RANBP2: variants seen among roughly 807,000 people sequenced by gnomAD.
RANBP2 encodes the protein RAN binding protein 2.
RANBP2 carries 57 observed loss-of-function variants against 303.6 expected under a neutral mutation model. The observed-to-expected ratio is 0.19, with a 90% CI of 0.15 to 0.23. RANBP2 has a LOEUF of 0.23. Ranked by LOEUF, RANBP2 falls within the 10% of genes least tolerant of loss-of-function variation. The pLI, the probability that RANBP2 is intolerant of heterozygous loss-of-function variation, is 1.00. For missense variants in RANBP2, 3,138 were observed against 3,780.8 expected (o/e 0.83, Z 4.46); for synonymous variants, 1,167 against 1,301.5 (o/e 0.90, Z 2.23).
chr2:109,350,127 A>G, the RANBP2 span, among the ~76,000 whole-genome samples: 1 of 152,236 alleles, frequency 6.6e-6, no homozygotes. Context: ...CATATTTCAC[A>G]AGAAACAGTG....
At chr2:108,897,371 CAAAT>C in the RANBP2 span, 1 of 816,084 alleles carries the variant, frequency 1.2e-6, no homozygotes, top group Non-Finnish European at 1.9e-6. Context: ...CCACCTAAAA[CAAAT>C]GCATAACTTA....
the RANBP2 span, among the ~76,000 whole-genome samples, chr2:109,363,959 CTTG>C: frequency 2.0e-5 from 3 of 152,088 alleles, no homozygotes; most frequent in African/African-American, 7.2e-5. Context: ...ATCTATCCTG[CTTG>C]TTGTTCTCTG....
At chr2:109,613,693 G>A in the RANBP2 span, 15 of 761,552 alleles carry the variant, frequency 2.0e-5, no homozygotes, top group Admixed American at 1.8e-4. Context: ...GAGGGGGCGC[G>A]GGTCACAATC....
the RANBP2 span, among the ~76,000 whole-genome samples, chr2:109,647,807 G>A: frequency 5.3e-4 from 80 of 152,320 alleles, no homozygotes; most frequent in African/African-American, 1.9e-3. Context: ...AGCCAGAGAA[G>A]CAAAACTAGG....
the RANBP2 span, among the ~76,000 whole-genome samples, chr2:109,644,293 T>G: frequency 6.6e-6 from 1 of 151,808 alleles, no homozygotes; most frequent in African/African-American, 2.4e-5. Flanking sequence ...GGCAACAGAG[T>G]GAGACTCGTC....
the RANBP2 span, chr2:109,501,427 G>A: frequency 9.7e-5 from 64 of 657,112 alleles, no homozygotes; most frequent in Non-Finnish European, 1.6e-4. Flanking sequence ...AATTTACACC[G>A]AGGGAAGAAG....
chr2:109,006,537 T>G, the RANBP2 span, among the ~76,000 whole-genome samples: 2 of 152,178 alleles, frequency 1.3e-5, no homozygotes, highest in Non-Finnish European at 2.9e-5. Flanking sequence ...CACAGGATAA[T>G]TTCACGTGTA....
the RANBP2 span, among the ~76,000 whole-genome samples, chr2:109,538,662 G>A: frequency 2.0e-5 from 3 of 152,168 alleles, no homozygotes; most frequent in African/African-American, 4.8e-5. Flanking sequence ...GAGATTACAG[G>A]CATGCACCAA....
At chr2:109,522,757 A>C in the RANBP2 span, among the ~76,000 whole-genome samples, 2 of 152,182 alleles carry the variant, frequency 1.3e-5, no homozygotes, top group Non-Finnish European at 2.9e-5. Flanking sequence ...CAGTGACACT[A>C]ATATGCTCCT....
At chr2:109,422,167 G>T in the RANBP2 span, among the ~76,000 whole-genome samples, 76 of 152,296 alleles carry the variant, frequency 5.0e-4, no homozygotes, top group African/African-American at 1.7e-3. Context: ...TTGAACATGA[G>T]ATGTGCTGTC....
chr2:109,256,232 G>A, the RANBP2 span, among the ~76,000 whole-genome samples: 1 of 152,218 alleles, frequency 6.6e-6, no homozygotes, highest in Non-Finnish European at 1.5e-5. Flanking sequence ...CACAGTTGGA[G>A]AGCCTGCCAT....
the RANBP2 span, among the ~76,000 whole-genome samples, chr2:109,112,092 T>C: frequency 6.6e-6 from 1 of 151,816 alleles, no homozygotes; most frequent in African/African-American, 2.4e-5. Flanking sequence ...GCAATAAACA[T>C]ACGTGTGCAT....
chr2:108,839,366 T>G, the RANBP2 span: 4 of 1,316,166 alleles, frequency 3.0e-6, no homozygotes, highest in Non-Finnish European at 4.2e-6. Flanking sequence ...TTGATCTTGT[T>G]TCACAATATC....
chr2:108,761,406 G>A (rs1246160748), intron 18 of RANBP2, among the ~76,000 whole-genome samples: 1 of 151,990 alleles, frequency 6.6e-6, no homozygotes, highest in Non-Finnish European at 1.5e-5. Context: ...AAGGTCTTTT[G>A]GTTGTTTTCT....
the RANBP2 span, among the ~76,000 whole-genome samples, chr2:109,570,590 T>C: frequency 6.6e-6 from 1 of 151,904 alleles, no homozygotes; most frequent in Admixed American, 6.6e-5. Flanking sequence ...AGTGGCGTGA[T>C]GTTGGCTCAC....
chr2:108,903,234 T>C, the RANBP2 span, among the ~76,000 whole-genome samples: 1 of 151,904 alleles, frequency 6.6e-6, no homozygotes. Context: ...TGAAAAAAAA[T>C]TAAAGTTGTG....
chr2:109,687,749 T>TC, the RANBP2 span, among the ~76,000 whole-genome samples: 113 of 151,448 alleles, frequency 7.5e-4, 1 homozygote, highest in African/African-American at 2.7e-3. Context: ...GGATTTTTTT[T>TC]TTTTTTTTTT....
the RANBP2 span, among the ~76,000 whole-genome samples, chr2:109,652,446 T>C: frequency 0.036 from 5,460 of 152,202 alleles, 291 homozygotes; most frequent in African/African-American, 0.11. Context: ...AGGATGGTCT[T>C]GATCTCCTGA....
the RANBP2 span, among the ~76,000 whole-genome samples, chr2:109,307,126 A>T: frequency 3.3e-5 from 5 of 152,202 alleles, no homozygotes; most frequent in African/African-American, 7.2e-5. Context: ...CTTGAAATTA[A>T]AAAAATAAAA....
Sources: allele counts gnomAD v4.1 joint callset (sites outside exome capture counted in the v4.1 genomes callset), GRCh38; gene constraint gnomAD v4.1.1; transcripts MANE v1.5; gene names NCBI Gene and HGNC (gene_info 2026-07-23, HGNC 2026-07-21).